The following DIRAS2 variants were observed in gnomAD, a reference collection of about 807,000 sequenced individuals.
DIRAS2 encodes the protein DIRAS family GTPase 2.
In DIRAS2, 5 loss-of-function variants were observed where a neutral mutation model predicts 13.9. The ratio of observed to expected loss-of-function variants is 0.36; its 90% confidence interval spans 0.19 to 0.76. The LOEUF is 0.76. Ranked by LOEUF, DIRAS2 falls within the 30% of genes least tolerant of loss-of-function variation. The pLI is 0.53. For missense variants in DIRAS2, 191 were observed against 263.0 expected, an observed-to-expected ratio of 0.73 and a Z score of 1.89; for synonymous variants, 111 against 105.4, an observed-to-expected ratio of 1.05 and a Z score of -0.33.
Position 90,627,459 on chromosome 9 carries a change from CG to C in DIRAS2, c.-36-13597del, listed in dbSNP as rs565212459. 1.8e-4 allele frequency among the ~76,000 whole-genome samples: 27 copies of C among 152,148 alleles called. No individual in the cohort carries two copies. The Middle Eastern group carries it at 0.014, about 77-fold the overall frequency. On this transcript the variant is annotated intron_variant, in intron 1 of 1. Transcript: ENST00000375765. ...AAATACTGTATGAATTCACTTATAG[CG>C]GGTACATATAGCAGTCAAATTCACA...
At chr9:90,627,914 CG>C in intron 1 of DIRAS2, among the ~76,000 whole-genome samples, 2 of 151,984 alleles carry the variant, frequency 1.3e-5, no homozygotes, top group Middle Eastern at 3.4e-3. Context: ...TAATGCATGC[CG>C]GGCTTAACAC....
chr9:90,638,296 G>A (rs1825388251), intron 1 of DIRAS2, among the ~76,000 whole-genome samples: 1 of 152,096 alleles, frequency 6.6e-6, no homozygotes, highest in Non-Finnish European at 1.5e-5. Context: ...TGTAAATCTG[G>A]CAAAATTAAA....
At chr9:90,619,964 C>A (rs993202532) in intron 1 of DIRAS2, among the ~76,000 whole-genome samples, 1 of 152,000 alleles carries the variant, frequency 6.6e-6, no homozygotes, top group African/African-American at 2.4e-5. Flanking sequence ...CTGTATGGTT[C>A]CATCATATGA....
intron 1 of DIRAS2, among the ~76,000 whole-genome samples, chr9:90,636,724 AAG>A (rs1825374752): frequency 6.6e-6 from 1 of 152,222 alleles, no homozygotes. Context: ...TACATAGTCA[AAG>A]AGAGACAGAT....
At chr9:90,629,790 T>C (rs1315040461) in intron 1 of DIRAS2, among the ~76,000 whole-genome samples, 2 of 152,236 alleles carry the variant, frequency 1.3e-5, no homozygotes, top group Non-Finnish European at 2.9e-5. Context: ...AATAATGACA[T>C]GAGAAAGAAA....
intron 1 of DIRAS2, among the ~76,000 whole-genome samples, chr9:90,618,748 A>G (rs905029480): frequency 1.3e-5 from 2 of 152,256 alleles, no homozygotes; most frequent in African/African-American, 2.4e-5. Flanking sequence ...CATTTCTCAA[A>G]AGAAGATATA....
In DIRAS2 at chr9:90,636,027, CTTTTTTT is replaced by C. The variant is rs1172661795; in HGVS notation, c.-37+6718_-37+6724del. ...AGGATAGAGAATACAACTGAATATTCTTTTTTTTTTTTTTTTTTTTTTTTTTTTGAGA... is the reference window on the plus strand; with the variant it reads ...AGGATAGAGAATACAACTGAATATTCTTTTTTTTTTTTTTTTTTTTTGAGA... On this transcript the variant is annotated intron_variant, in intron 1 of 1. Coordinates refer to ENST00000375765, the MANE Select transcript of DIRAS2 (RefSeq NM_017594.5). 4.2e-4 allele frequency among the ~76,000 whole-genome samples: 28 copies of C among 66,254 alleles called. 1 individual carries two copies. In the East Asian group the frequency reaches 8.6e-3, roughly 20 times the overall value. 43.5% of individuals were successfully genotyped at this position (66,254 alleles called of 152,430 possible).
intron 1 of DIRAS2, among the ~76,000 whole-genome samples, chr9:90,628,093 C>G (rs571165464): frequency 1.3e-5 from 2 of 151,932 alleles, no homozygotes; most frequent in African/African-American, 4.8e-5. Context: ...CAAAACAAAA[C>G]TAATATCTTG....
intron 1 of DIRAS2, among the ~76,000 whole-genome samples, chr9:90,628,960 T>C (rs1825298259): frequency 1.3e-5 from 2 of 152,152 alleles, no homozygotes; most frequent in African/African-American, 2.4e-5. Context: ...GTTCACGCCA[T>C]TCTCCTGCTT....
chr9:90,624,585 T>C (rs1825250550), intron 1 of DIRAS2, among the ~76,000 whole-genome samples: 12 of 152,168 alleles, frequency 7.9e-5, no homozygotes, highest in Admixed American at 7.9e-4. Context: ...AGATTTCATA[T>C]CCAAGAGGCC....
chr9:90,624,528 A>G (rs1326591481), intron 1 of DIRAS2, among the ~76,000 whole-genome samples: 1 of 152,202 alleles, frequency 6.6e-6, no homozygotes, highest in Non-Finnish European at 1.5e-5. Context: ...CAGTGGAGAT[A>G]AATGGGGCAC....
At position 90,613,809 on chromosome 9, in the gene DIRAS2, C is replaced by G. The variant is rs1358140035; in HGVS notation, c.19G>C (p.Asp7His). The G allele has an allele frequency of 6.2e-7, 1 of 1,612,998 alleles. No homozygotes were observed. Among genetic ancestry groups the G allele is most frequent in the African/African-American group, 1.3e-5 (1 of 74,906 alleles). MPEQSN[D>H]YRVAVFGAGG... ...GCCCCAAACACGGCCACCCGGTAAT[C>G]GTTACTCTGCTCAGGCATGTTGCTG... Residue 7 changes from aspartate (D) to histidine (H), a missense_variant, in exon 2 of 2, where the codon GAT (aspartate) becomes CAT (histidine). By Grantham distance (81) the Asp-to-His change is moderately conservative (BLOSUM62 -1). Transcript: ENST00000375765. This position sits in a 1 kb window ranked among gnomAD's most constrained non-coding sequence, Gnocchi z 5.6.
At chr9:90,641,642 TC>T (rs1296048527) in intron 1 of DIRAS2, among the ~76,000 whole-genome samples, 3 of 152,168 alleles carry the variant, frequency 2.0e-5, no homozygotes, top group Non-Finnish European at 4.4e-5. Flanking sequence ...TCTAATTTTA[TC>T]CTCCCCTTTT....
chr9:90,619,213 G>A (rs1825196711), intron 1 of DIRAS2, among the ~76,000 whole-genome samples: 1 of 152,148 alleles, frequency 6.6e-6, no homozygotes, highest in African/African-American at 2.4e-5. Context: ...ATCGAAGTGG[G>A]TGGATCACCT....
chr9:90,621,036 T>A (rs919414571), intron 1 of DIRAS2, among the ~76,000 whole-genome samples: 5 of 152,162 alleles, frequency 3.3e-5, no homozygotes, highest in Non-Finnish European at 7.3e-5. Flanking sequence ...AAGAGTGTTG[T>A]GAGATCAAGT....
intron 1 of DIRAS2, among the ~76,000 whole-genome samples, chr9:90,638,452 T>A (rs1825389664): frequency 6.6e-6 from 1 of 152,204 alleles, no homozygotes; most frequent in Non-Finnish European, 1.5e-5. Context: ...CAAAAGCTAA[T>A]GTCAGTTTTA....
At chr9:90,621,130 G>T (rs543412297) in intron 1 of DIRAS2, among the ~76,000 whole-genome samples, 4 of 152,124 alleles carry the variant, frequency 2.6e-5, no homozygotes, top group African/African-American at 7.2e-5. Flanking sequence ...AGTGACATTG[G>T]GGGGTGTGAA....
intron 1 of DIRAS2, among the ~76,000 whole-genome samples, chr9:90,616,058 G>T (rs1431716522): frequency 6.6e-6 from 1 of 152,228 alleles, no homozygotes; most frequent in Non-Finnish European, 1.5e-5. Flanking sequence ...CTAGCTGGAA[G>T]AGAACATATC....
chr9:90,613,687 C>A lies in DIRAS2; in HGVS notation c.141G>T (p.Val47=). Reference sequence around the variant, plus strand: ...TGCATATGCTCTTGTCACAGCTGATCACTTGCCGGTAGGTGTCTTCCACCG... The same window carrying A: ...TGCATATGCTCTTGTCACAGCTGATAACTTGCCGGTAGGTGTCTTCCACCG... ...IPTVEDTYRQ[V]ISCDKSICTL... The change falls in exon 2 of 2, where the codon GTG becomes GTT. Residue 47 remains valine (V), a synonymous_variant. Coordinates refer to ENST00000375765, the MANE Select transcript of DIRAS2 (RefSeq NM_017594.5). This position sits in a 1 kb window ranked among gnomAD's most constrained non-coding sequence, Gnocchi z 5.6. 6.2e-7 allele frequency: 1 copy of A among 1,614,178 alleles called. No homozygotes were observed. The highest frequency in any genetic ancestry group is 8.5e-7 in the Non-Finnish European group (1 of 1,180,034).
Sources: allele counts gnomAD v4.1 joint callset (sites outside exome capture counted in the v4.1 genomes callset), GRCh38; gene constraint gnomAD v4.1.1; non-coding constraint Gnocchi (gnomAD v3.1); transcripts MANE v1.5; gene names NCBI Gene and HGNC (gene_info 2026-07-23, HGNC 2026-07-21).